Variants in ZNF366 observed in about 807,000 individuals in gnomAD.
ZNF366 encodes dendritic cell-specific transcript protein.
Under a neutral mutation model 47.2 loss-of-function variants are expected in ZNF366, and 20 were observed. That is an observed-to-expected ratio of 0.42 (90% CI 0.30 to 0.62). The LOEUF is 0.62. Among genes scored for constraint, ZNF366 ranks in the 20% least tolerant of loss-of-function variants. The pLI, the probability that ZNF366 is intolerant of heterozygous loss-of-function variation, is 0.16. For missense variants in ZNF366, 987 were observed against 976.3 expected (o/e 1.01, Z -0.15); for synonymous variants, 421 against 395.1 (o/e 1.07, Z -0.78).
At chr5:72,504,110 C>T (rs1219465573) in intron 1 of ZNF366, among the ~76,000 whole-genome samples, 15 of 152,236 alleles carry the variant, frequency 9.9e-5, no homozygotes, top group Non-Finnish European at 7.4e-5. Context: ...TGCATGCACA[C>T]ACACACGCAC....
At position 72,443,859 on chromosome 5, in the gene ZNF366, C is replaced by T. The variant is rs763238214; in HGVS notation, c.2132G>A (p.Gly711Asp). 1.1e-5 allele frequency: 18 copies of T among 1,614,036 alleles called. No individual in the cohort carries two copies. In the South Asian group the frequency reaches 1.2e-4, roughly 11 times the overall value. ...GTATAAGTAATCAGAAAAAGAGGGG[C>T]CCCGCCGGGTACTCTGAAAAGCCCT... The part of the protein sequence containing the change: ...SLRAFQSTRR[G>D]PSFSDYLYFK... Residue 711 changes from glycine (G) to aspartate (D), a missense_variant, in exon 5 of 5, where the codon GGC (glycine) becomes GAC (aspartate). By Grantham distance (94) the Gly-to-Asp change is moderately conservative. Around this residue, in one of 3 missense-constraint regions of ZNF366, gnomAD observed 285 missense variants for 234.8 expected, o/e 1.21. Transcript: ENST00000318442.
chr5:72,461,190 C>T lies in ZNF366; in HGVS notation c.307G>A (p.Glu103Lys), dbSNP rs1474430891. ...EEVTLALHSE[E>K]NKNHGLPNLP... Reference sequence around the variant, plus strand: ...TTGGGAAGGCCGTGGTTTTTGTTCTCCTCTGAGTGGAGGGCGAGGGTGACT... The same window carrying T: ...TTGGGAAGGCCGTGGTTTTTGTTCTTCTCTGAGTGGAGGGCGAGGGTGACT... Residue 103 changes from glutamate (E) to lysine (K), a missense_variant, in exon 2 of 5, where the codon GAG becomes AAG. Coordinates refer to ENST00000318442, the MANE Select transcript of ZNF366 (RefSeq NM_152625.3). The T allele has an allele frequency of 1.6e-5, 26 of 1,613,970 alleles. No individual in the cohort carries two copies. The highest frequency in any genetic ancestry group is 2.0e-5 in the Non-Finnish European group (24 of 1,180,042).
At chr5:72,449,869 G>C (rs75589668) in intron 3 of ZNF366, among the ~76,000 whole-genome samples, 4,277 of 152,272 alleles carry the variant, frequency 0.028, 108 homozygotes, top group Admixed American at 0.068. Flanking sequence ...GCCATGAGTG[G>C]TTAAGGACAA....
At chr5:72,479,449 A>G (rs1055516163) in intron 1 of ZNF366, among the ~76,000 whole-genome samples, 1 of 152,056 alleles carries the variant, frequency 6.6e-6, no homozygotes, top group African/African-American at 2.4e-5. Context: ...AAATAAAAAA[A>G]TCCTGTATGT....
chr5:72,468,644 G>A (rs114625363), intron 1 of ZNF366, among the ~76,000 whole-genome samples: 274 of 152,306 alleles, frequency 1.8e-3, no homozygotes, highest in African/African-American at 6.4e-3. Flanking sequence ...AACAGATTCA[G>A]CTACTAACTT....
chr5:72,471,494 T>C (rs1385639278), intron 1 of ZNF366, among the ~76,000 whole-genome samples: 4 of 152,184 alleles, frequency 2.6e-5, no homozygotes, highest in Admixed American at 2.0e-4. Context: ...TATTATCTGC[T>C]GTCTCTGGGG....
chr5:72,475,270 A>G (rs1333134393), intron 1 of ZNF366, among the ~76,000 whole-genome samples: 1 of 152,172 alleles, frequency 6.6e-6, no homozygotes, highest in African/African-American at 2.4e-5. Flanking sequence ...TCCCTGATGT[A>G]TTTACTGCCC....
Position 72,443,114 on chromosome 5 carries a change from G to C in ZNF366, c.*642C>G, listed in dbSNP as rs1472632363. ...AAATAATGCTCCAAATGCTCAATCT[G>C]ATGAAGACAGCCGACACAGAACAAG... is the stretch of plus-strand genomic sequence containing the variant. On this transcript the variant is annotated 3_prime_UTR_variant, in exon 5 of 5. Coordinates refer to ENST00000318442, the MANE Select transcript of ZNF366 (RefSeq NM_152625.3). 2.0e-5 allele frequency: 3 copies of C among 152,212 alleles called. No individual in the cohort carries two copies. The highest frequency in any genetic ancestry group is 7.2e-5 in the African/African-American group (3 of 41,444). The allele number at this position is 152,212 out of a possible 1,614,324, so 9.4% of individuals were successfully genotyped here. A position where few individuals can be genotyped will look rare whatever the true frequency, so the allele number is the denominator to read the frequency against.
rs1337944303 is a variant in ZNF366 at position 72,443,949 on chromosome 5, C to A, written c.2042G>T (p.Gly681Val). 4 of 1,614,210 alleles carry A rather than the reference C, an allele frequency of 2.5e-6. No individual in the cohort carries two copies. Among genetic ancestry groups the A allele is most frequent in the Non-Finnish European group, 3.4e-6 (4 of 1,180,036 alleles). ...CTGGCCGCCCTCTGCCCCAAGGTCA[C>A]CCTTGCTCCTCTTCTCCCATTCTCC... is the stretch of plus-strand genomic sequence containing the variant. The part of the protein sequence containing the change: ...SKGEWEKRSK[G>V]DLGAEGGQER... Residue 681 changes from glycine (G) to valine (V), a missense_variant, in exon 5 of 5, where the codon GGT becomes GTT. Coordinates refer to ENST00000318442, the MANE Select transcript of ZNF366 (RefSeq NM_152625.3).
Position 72,461,106 on chromosome 5 carries a change from G to T in ZNF366, c.391C>A (p.Leu131Met), listed in dbSNP as rs1370774277. Residue 131 changes from leucine to methionine, a missense_variant, in exon 2 of 5, where the codon CTG becomes ATG. By Grantham distance (15) the Leu-to-Met change is conservative. Coordinates refer to ENST00000318442, the MANE Select transcript of ZNF366 (RefSeq NM_152625.3). ...TAGAATTGGAAGCCCACGTTGCACA[G>T]GTCGATCATCTGAGAGTCATACTTG... Reference protein sequence around the residue: ...RPKYDSQMIDLCNVGFQFYRS... With the variant: ...RPKYDSQMIDMCNVGFQFYRS... 1.2e-6 allele frequency: 2 copies of T among 1,614,180 alleles called. No homozygotes were observed. The highest frequency in any genetic ancestry group is 1.7e-6 in the Non-Finnish European group (2 of 1,180,040).
intron 3 of ZNF366, among the ~76,000 whole-genome samples, chr5:72,448,498 G>GC (rs1743002544): frequency 6.6e-6 from 1 of 152,116 alleles, no homozygotes; most frequent in South Asian, 2.1e-4. Context: ...CCCTTCCTTG[G>GC]CTGTGGCAGG....
intron 1 of ZNF366, among the ~76,000 whole-genome samples, chr5:72,477,039 AC>A (rs1297040457): frequency 6.6e-6 from 1 of 152,140 alleles, no homozygotes; most frequent in Non-Finnish European, 1.5e-5. Flanking sequence ...TATAGAGGAG[AC>A]AAAGTGGAAC....
intron 1 of ZNF366, among the ~76,000 whole-genome samples, chr5:72,482,509 G>C (rs1040354387): frequency 6.6e-6 from 1 of 152,036 alleles, no homozygotes; most frequent in Non-Finnish European, 1.5e-5. Context: ...AACAGACAGG[G>C]GACACCTTCC....
intron 3 of ZNF366, among the ~76,000 whole-genome samples, chr5:72,452,786 A>G (rs533843285): frequency 1.3e-4 from 20 of 152,224 alleles, no homozygotes; most frequent in Admixed American, 2.0e-4. Context: ...TTTTTCCTGG[A>G]CAGGTTTCCC....
intron 1 of ZNF366, among the ~76,000 whole-genome samples, chr5:72,495,513 C>T (rs953587281): frequency 3.3e-5 from 5 of 152,070 alleles, no homozygotes; most frequent in African/African-American, 4.8e-5. Flanking sequence ...TCTAGGCTGC[C>T]GTTTCACCAT....
chr5:72,446,048 C>A (rs73104433), intron 4 of ZNF366, among the ~76,000 whole-genome samples: 5,610 of 152,230 alleles, frequency 0.037, 304 homozygotes, highest in African/African-American at 0.12. Flanking sequence ...TTGTCCACTC[C>A]ACCATCTCTT....
intron 4 of ZNF366, among the ~76,000 whole-genome samples, chr5:72,446,301 A>C (rs763519623): frequency 2.2e-4 from 33 of 152,190 alleles, no homozygotes; most frequent in Non-Finnish European, 4.1e-4. Context: ...AAGGTGTCTC[A>C]CCCTGTGCTT....
In ZNF366 at chr5:72,461,408, T is replaced by G; in HGVS notation, c.89A>C (p.Gln30Pro). 1 of 1,613,144 alleles carries G rather than the reference T, an allele frequency of 6.2e-7. No homozygotes were observed. Among genetic ancestry groups the G allele is most frequent in the Non-Finnish European group, 8.5e-7 (1 of 1,179,230 alleles). Reference protein sequence around the residue: ...KKTPSFPHCLQPVASRGKAPQ... With the variant: ...KKTPSFPHCLPPVASRGKAPQ... ...AGCCTTTCCCCGAGAAGCCACTGGC[T>G]GCAGGCAGTGGGGAAAGGAGGGGGT... Residue 30 changes from glutamine to proline, a missense_variant, in exon 2 of 5, where the codon CAG (glutamine) becomes CCG (proline). Transcript: ENST00000318442.
chr5:72,456,107 T>A (rs2112323723), intron 3 of ZNF366, among the ~76,000 whole-genome samples: 2 of 152,306 alleles, frequency 1.3e-5, no homozygotes, highest in South Asian at 4.1e-4. Flanking sequence ...TTTAACAGCC[T>A]CCTTCTCCAA....
Sources: gnomAD v4.1 joint callset for allele counts (sites outside exome capture counted in the v4.1 genomes callset) on GRCh38, gnomAD v4.1.1 for gene constraint, gnomAD v4.1.1 regional missense constraint, MANE v1.5 for transcripts, NCBI Gene and HGNC (gene_info 2026-07-23, HGNC 2026-07-21) for gene names.